GALNT14: variants seen among roughly 807,000 people sequenced by gnomAD.
GALNT14 encodes polypeptide N-acetylgalactosaminyltransferase 14.
A neutral mutation model predicts 77.5 loss-of-function variants in GALNT14; 60 were observed. The observed-to-expected ratio is 0.77, with a 90% CI of 0.63 to 0.96. GALNT14 has a LOEUF of 0.96. Ranked by LOEUF, GALNT14 falls within the 40% of genes least tolerant of loss-of-function variation. GALNT14 has a pLI of 0.00. For missense variants in GALNT14, 710 were observed against 731.0 expected (o/e 0.97, Z 0.33); for synonymous variants, 280 against 281.7 (o/e 0.99, Z 0.06).
At chr2:31,043,048 C>T (rs1673197479) in intron 1 of GALNT14, among the ~76,000 whole-genome samples, 1 of 152,214 alleles carries the variant, frequency 6.6e-6, no homozygotes, top group African/African-American at 2.4e-5. Flanking sequence ...TCCCCTTTCT[C>T]CTCATCCCAG....
At chr2:30,932,288 G>A in intron 9 of GALNT14, 94 bp from the exon 10 acceptor site, 1 of 1,244,516 alleles carries the variant, frequency 8.0e-7, no homozygotes, top group Non-Finnish European at 1.1e-6. Flanking sequence ...CCCCCGCAGA[G>A]GCGAAAGAAC....
At chr2:30,992,812 AAC>A (rs752332186) in intron 2 of GALNT14, 24 bp downstream of exon 2, 2 of 1,608,878 alleles carry the variant, frequency 1.2e-6, no homozygotes, top group South Asian at 2.2e-5. Flanking sequence ...CTGCGGGGGT[AAC>A]AGAGTGGGAG....
intron 1 of GALNT14, among the ~76,000 whole-genome samples, chr2:31,111,828 T>C (rs1487058561): frequency 6.6e-6 from 1 of 152,228 alleles, no homozygotes; most frequent in Non-Finnish European, 1.5e-5. Flanking sequence ...AATTTGATCC[T>C]TTCCTCCTTT....
At chr2:30,923,380 G>C (rs776166019) in intron 13 of GALNT14, among the ~76,000 whole-genome samples, 2 of 152,132 alleles carry the variant, frequency 1.3e-5, no homozygotes, top group African/African-American at 4.8e-5. Context: ...AGCAGGCCAA[G>C]TGCTATGAGA....
chr2:31,035,935 A>G (rs573467211), intron 1 of GALNT14, among the ~76,000 whole-genome samples: 5 of 152,208 alleles, frequency 3.3e-5, no homozygotes, highest in African/African-American at 1.2e-4. Context: ...GAGTGACAAA[A>G]TAATGTGTTC....
chr2:31,118,167 C>G (rs1351056224), intron 1 of GALNT14, among the ~76,000 whole-genome samples: 1 of 152,068 alleles, frequency 6.6e-6, no homozygotes, highest in Non-Finnish European at 1.5e-5. Context: ...TTGAAGAAGT[C>G]AATAGAACTA....
chr2:30,899,894 C>A, the GALNT14 span, among the ~76,000 whole-genome samples: 1 of 152,152 alleles, frequency 6.6e-6, no homozygotes, highest in Non-Finnish European at 1.5e-5. Flanking sequence ...CCACGTGGGG[C>A]GTCGCAGAGG....
At chr2:30,887,514 T>A in the GALNT14 span, among the ~76,000 whole-genome samples, 1 of 152,256 alleles carries the variant, frequency 6.6e-6, no homozygotes, top group Non-Finnish European at 1.5e-5. Context: ...GCCATTTGTA[T>A]GTCTTCTTTG....
intron 1 of GALNT14, among the ~76,000 whole-genome samples, chr2:31,032,136 T>A (rs933599758): frequency 6.6e-6 from 1 of 152,188 alleles, no homozygotes; most frequent in Non-Finnish European, 1.5e-5. Flanking sequence ...CCTACGGTAA[T>A]GAGGCCAGCT....
At chr2:30,922,884 A>C (rs1160186862) in intron 13 of GALNT14, among the ~76,000 whole-genome samples, 1 of 152,240 alleles carries the variant, frequency 6.6e-6, no homozygotes, top group Admixed American at 6.5e-5. Flanking sequence ...GATGAAGATA[A>C]GGAATTTGTG....
intron 1 of GALNT14, among the ~76,000 whole-genome samples, chr2:31,047,956 C>A (rs1673579445): frequency 6.6e-6 from 1 of 152,228 alleles, no homozygotes; most frequent in African/African-American, 2.4e-5. Context: ...AATGCCGGTA[C>A]CCAGCCTGTC....
At chr2:31,005,575 T>C (rs1262572525) in intron 1 of GALNT14, among the ~76,000 whole-genome samples, 1 of 152,238 alleles carries the variant, frequency 6.6e-6, no homozygotes. Context: ...TTATTTCTTT[T>C]GGTGACTGAA....
intron 1 of GALNT14, among the ~76,000 whole-genome samples, chr2:31,070,375 C>T (rs186371423): frequency 3.9e-5 from 6 of 152,346 alleles, no homozygotes; most frequent in African/African-American, 1.2e-4. Context: ...CCATCTGGGT[C>T]TTGCCTAGGC....
At chr2:30,919,656 C>T (rs77718763) in intron 13 of GALNT14, among the ~76,000 whole-genome samples, 36 of 152,202 alleles carry the variant, frequency 2.4e-4, no homozygotes, top group Non-Finnish European at 4.7e-4. Context: ...ACTTTACCTG[C>T]GGCTTTGCTT....
intron 1 of GALNT14, among the ~76,000 whole-genome samples, chr2:31,067,582 T>A (rs904168806): frequency 2.2e-4 from 34 of 152,120 alleles, no homozygotes; most frequent in African/African-American, 8.0e-4. Flanking sequence ...CCATGGTAGC[T>A]CCATGACTGA....
chr2:30,952,083 C>A lies in GALNT14; in HGVS notation c.654+3535G>T, dbSNP rs182553344. Among the ~76,000 whole-genome samples, 227 of 152,258 alleles carry A rather than the reference C, an allele frequency of 1.5e-3. 2 individuals carry two copies. Among genetic ancestry groups the A allele is most frequent in the East Asian group, 5.0e-3 (26 of 5,172 alleles). On this transcript the variant is annotated intron_variant, in intron 6 of 14. Coordinates refer to ENST00000349752, the MANE Select transcript of GALNT14 (RefSeq NM_024572.4). ...CATCTGCCATTCTCTCGGCAAGGAG[C>A]AAACTGCCTTAGAAAAGTTGCTCAG... is the stretch of plus-strand genomic sequence containing the variant.
At chr2:30,993,655 C>T (rs1474253488) in intron 1 of GALNT14, among the ~76,000 whole-genome samples, 4 of 152,212 alleles carry the variant, frequency 2.6e-5, no homozygotes, top group Non-Finnish European at 5.9e-5. Context: ...GAGTAACAAC[C>T]CTCACCGTAC....
chr2:31,113,374 C>T (rs542519702), intron 1 of GALNT14, among the ~76,000 whole-genome samples: 10 of 152,220 alleles, frequency 6.6e-5, no homozygotes, highest in Admixed American at 5.2e-4. Flanking sequence ...CATCTAAGAA[C>T]AGACACAGGA....
chr2:30,903,095 G>T, the GALNT14 span, among the ~76,000 whole-genome samples: 1 of 152,182 alleles, frequency 6.6e-6, no homozygotes, highest in East Asian at 1.9e-4. Flanking sequence ...GGCCACAAGA[G>T]CATTGCAGAA....
Sources: allele counts gnomAD v4.1 joint callset (sites outside exome capture counted in the v4.1 genomes callset), GRCh38; gene constraint gnomAD v4.1.1; transcripts MANE v1.5; gene names NCBI Gene and HGNC (gene_info 2026-07-23, HGNC 2026-07-21).